KCTD1: variants seen among roughly 807,000 people sequenced by gnomAD.
The protein encoded by KCTD1 is potassium channel tetramerization domain containing 1.
In KCTD1, 24 loss-of-function variants were observed where a neutral mutation model predicts 66.0. The ratio of observed to expected loss-of-function variants is 0.36; its 90% CI spans 0.26 to 0.51. KCTD1 has a LOEUF of 0.51. KCTD1 is among the 20% of genes least tolerant of loss of function. KCTD1 has a pLI of 0.95. For synonymous variants in KCTD1, 511 were observed against 517.2 expected, an observed-to-expected ratio of 0.99 and a Z score of 0.16; for missense variants, 943 against 1,205.2, an observed-to-expected ratio of 0.78 and a Z score of 3.22.
At chr18:26,616,845 A>G (rs767323916) in intron 1 of KCTD1, among the ~76,000 whole-genome samples, 10 of 152,162 alleles carry the variant, frequency 6.6e-5, no homozygotes, top group Non-Finnish European at 1.2e-4. Context: ...TGCAATCTAG[A>G]CTTACTTTGC....
chr18:26,554,901 G>T (rs1003545239), intron 1 of KCTD1, among the ~76,000 whole-genome samples: 2 of 152,166 alleles, frequency 1.3e-5, no homozygotes, highest in Admixed American at 1.3e-4. Flanking sequence ...TAATAAAGAA[G>T]TCAAATGTAA....
intron 1 of KCTD1, among the ~76,000 whole-genome samples, chr18:26,609,385 A>G (rs1987085873): frequency 6.6e-6 from 1 of 152,210 alleles, no homozygotes; most frequent in Admixed American, 6.5e-5. Flanking sequence ...GTCCACTGCC[A>G]CGCTGGGAAT....
At chr18:26,488,838 C>T (rs1295098737) in intron 2 of KCTD1, among the ~76,000 whole-genome samples, 1 of 152,226 alleles carries the variant, frequency 6.6e-6, no homozygotes, top group African/African-American at 2.4e-5. Context: ...AGCCATTATC[C>T]AACGAGTGTC....
rs1175134041 is a variant in KCTD1 at position 26,484,616 on chromosome 18, A to C, written c.1989-7957T>G. Among the ~76,000 whole-genome samples, 4 of 152,306 alleles carry C rather than the reference A, an allele frequency of 2.6e-5. No individual in the cohort carries two copies. The East Asian group carries it at 7.7e-4, about 29-fold the overall frequency. Reference sequence around the variant, plus strand: ...TACTATGAAAAGTACTATTACAATGAAACTGAATCTTTTTAGAATTGACAT... The same window carrying C: ...TACTATGAAAAGTACTATTACAATGCAACTGAATCTTTTTAGAATTGACAT... On this transcript the variant is annotated intron_variant, in intron 2 of 4. Coordinates refer to ENST00000580059, the MANE Select transcript of KCTD1 (RefSeq NM_001142730.3).
At chr18:26,475,210 A>G (rs1042629045) in intron 3 of KCTD1, among the ~76,000 whole-genome samples, 4 of 152,192 alleles carry the variant, frequency 2.6e-5, no homozygotes, top group Non-Finnish European at 5.9e-5. Flanking sequence ...CATCATTACT[A>G]TGACCAGAAA....
Position 26,547,778 on chromosome 18 carries a change from G to A in KCTD1, c.759C>T (p.Asp253=), listed in dbSNP as rs774955690. The change falls in exon 1 of 5, where the codon GAC becomes GAT. Residue 253 remains aspartate, a synonymous_variant. Transcript: ENST00000580059. ...PYCRTLDLTK[D]PELRSANLTL... ...TCAGGTTGGCGCTGCGCAGCTCGGG[G>A]TCCTTGGTGAGGTCGAGCGTGCGGC... is the stretch of plus-strand genomic sequence containing the variant. 2.1e-5 allele frequency: 32 copies of A among 1,542,294 alleles called. 1 individual carries two copies. The highest frequency in any genetic ancestry group is 1.8e-4 in the African/African-American group (13 of 73,174).
At chr18:26,615,360 A>G (rs1357921553) in intron 1 of KCTD1, among the ~76,000 whole-genome samples, 1 of 152,220 alleles carries the variant, frequency 6.6e-6, no homozygotes, top group Non-Finnish European at 1.5e-5. Context: ...GAAAAACAGC[A>G]TCAATGAGGA....
intron 2 of KCTD1, among the ~76,000 whole-genome samples, chr18:26,496,740 G>GCGCA (rs1555635323): frequency 6.8e-6 from 1 of 148,094 alleles, no homozygotes; most frequent in Non-Finnish European, 1.5e-5. Flanking sequence ...AAAAGCATGT[G>GCGCA]CACACACACA....
At chr18:26,579,581 T>C (rs1034141472) in intron 1 of KCTD1, among the ~76,000 whole-genome samples, 1 of 152,350 alleles carries the variant, frequency 6.6e-6, no homozygotes, top group Middle Eastern at 3.4e-3. Flanking sequence ...TCTCTTAAAA[T>C]ATAAGTGTAA....
chr18:26,499,886 T>A (rs1301604570), intron 2 of KCTD1, among the ~76,000 whole-genome samples: 1 of 152,186 alleles, frequency 6.6e-6, no homozygotes, highest in Non-Finnish European at 1.5e-5. Context: ...AGCAAAAAAC[T>A]TCCCTTACAG....
At chr18:26,613,060 A>C (rs993421752) in intron 1 of KCTD1, among the ~76,000 whole-genome samples, 8 of 152,216 alleles carry the variant, frequency 5.3e-5, no homozygotes, top group Admixed American at 5.2e-4. Flanking sequence ...CTTTGAGACC[A>C]GAGACCTTTG....
chr18:26,649,848 C>T (rs1026562687), intron 1 of KCTD1, among the ~76,000 whole-genome samples: 4 of 152,126 alleles, frequency 2.6e-5, no homozygotes, highest in African/African-American at 9.7e-5. Flanking sequence ...GAGAAACTAA[C>T]AGCAAGACCA....
At chr18:26,585,582 A>G (rs1568001126) in intron 1 of KCTD1, among the ~76,000 whole-genome samples, 1 of 152,248 alleles carries the variant, frequency 6.6e-6, no homozygotes, top group Non-Finnish European at 1.5e-5. Flanking sequence ...CTAACTAGGA[A>G]AAGACCAGGT....
At chr18:26,528,985 T>A (rs939265921) in intron 1 of KCTD1, among the ~76,000 whole-genome samples, 1 of 152,232 alleles carries the variant, frequency 6.6e-6, no homozygotes, top group East Asian at 1.9e-4. Context: ...TGTAAACTGA[T>A]GAAATTCCAA....
At chr18:26,469,656 GAT>G (rs1199222156) in intron 3 of KCTD1, among the ~76,000 whole-genome samples, 1 of 152,210 alleles carries the variant, frequency 6.6e-6, no homozygotes, top group East Asian at 1.9e-4. Flanking sequence ...ATACAATGAT[GAT>G]ATTATATACA....
intron 3 of KCTD1, among the ~76,000 whole-genome samples, chr18:26,474,220 A>G (rs1022706183): frequency 6.6e-6 from 1 of 152,244 alleles, no homozygotes; most frequent in Non-Finnish European, 1.5e-5. Context: ...AAACTAGTCT[A>G]TAGCATGGAT....
chr18:26,627,261 T>TG (rs1987520805), intron 1 of KCTD1, among the ~76,000 whole-genome samples: 2 of 73,386 alleles, frequency 2.7e-5, no homozygotes, highest in Admixed American at 2.1e-4. Context: ...TCTTCTGGGT[T>TG]TTGTGTGTGT....
intron 2 of KCTD1, among the ~76,000 whole-genome samples, chr18:26,479,699 GC>G (rs973188947): frequency 2.0e-5 from 3 of 152,226 alleles, no homozygotes; most frequent in Admixed American, 1.3e-4. Context: ...GCTGATTTCT[GC>G]CAACTTTAAA....
rs10530531 is a variant in KCTD1, at chr18:26,651,799, A to AAAGAAGAAGAAG, written c.9+5549_9+5560dup. Among the ~76,000 whole-genome samples, 166 of 117,134 alleles carry AAAGAAGAAGAAG rather than the reference A, an allele frequency of 1.4e-3. 1 individual carries two copies. Among genetic ancestry groups the AAAGAAGAAGAAG allele is most frequent in the South Asian group, 3.1e-3 (12 of 3,866 alleles). 76.8% of individuals were successfully genotyped at this position (117,134 alleles called of 152,430 possible). A position where few individuals can be genotyped will look rare whatever the true frequency, so the allele number is the denominator to read the frequency against. ...ACTCGGTCTCAAAAAAAAAAAAAAA[A>AAAGAAGAAGAAG]AAGAAGAAGAAGAAGAAGAAGAAGG... is the stretch of plus-strand genomic sequence containing the variant. On this transcript the variant is annotated intron_variant, in intron 1 of 4. Coordinates refer to the KCTD1 transcript ENST00000580191.
Sources: allele counts gnomAD v4.1 joint callset (sites outside exome capture counted in the v4.1 genomes callset), GRCh38; gene constraint gnomAD v4.1.1; transcripts MANE v1.5; gene names NCBI Gene and HGNC (gene_info 2026-07-23, HGNC 2026-07-21).